DOCK5: variants seen among roughly 807,000 people sequenced by gnomAD.
DOCK5 encodes the protein dedicator of cytokinesis protein 5.
DOCK5 carries 142 observed loss-of-function variants against 251.8 expected under a neutral mutation model. The ratio of observed to expected loss-of-function variants is 0.56; its 90% CI spans 0.49 to 0.65. DOCK5 has a LOEUF of 0.65. Ranked by LOEUF, DOCK5 falls within the 30% of genes least tolerant of loss-of-function variation. The pLI is 0.00. For synonymous variants in DOCK5, 842 were observed against 835.5 expected (o/e 1.01, Z -0.13); for missense variants, 2,111 against 2,312.3 (o/e 0.91, Z 1.79).
intron 2 of DOCK5, among the ~76,000 whole-genome samples, chr8:25,262,007 A>G (rs1803599031): frequency 6.6e-6 from 1 of 152,234 alleles, no homozygotes; most frequent in African/African-American, 2.4e-5. Context: ...AGTAATATAT[A>G]CATATAACAC....
rs532722681 is a variant in DOCK5, at chr8:25,379,610, G to T, written c.3937-695G>T. On this transcript the variant is annotated intron_variant, in intron 38 of 51. Coordinates refer to ENST00000276440, the MANE Select transcript of DOCK5 (RefSeq NM_024940.8). The stretch of plus-strand genomic sequence containing the variant: ...TTAACACAATTATCATAGTGGTCCT[G>T]AGGTGACGTACATCCTCAGCTTACA... 1.6e-4 allele frequency among the ~76,000 whole-genome samples: 25 copies of T among 152,300 alleles called. No homozygotes were observed. The South Asian group carries it at 5.2e-3, about 32-fold the overall frequency.
intron 26 of DOCK5, among the ~76,000 whole-genome samples, chr8:25,351,156 C>T (rs375297200): frequency 1.7e-4 from 26 of 152,248 alleles, no homozygotes; most frequent in Admixed American, 1.3e-3. Flanking sequence ...CTCCTGGGTT[C>T]CCGCCATTCT....
At chr8:25,204,242 C>CT (rs1398500350) in intron 1 of DOCK5, among the ~76,000 whole-genome samples, 20 of 152,174 alleles carry the variant, frequency 1.3e-4, no homozygotes, top group South Asian at 4.1e-4. Context: ...CCTGTCTGTA[C>CT]TTTAACTTTT....
At chr8:25,225,436 G>C (rs911638823) in intron 1 of DOCK5, among the ~76,000 whole-genome samples, 1 of 152,310 alleles carries the variant, frequency 6.6e-6, no homozygotes, top group East Asian at 1.9e-4. Flanking sequence ...TTCTGCCGTG[G>C]TGGCTCACGC....
intron 36 of DOCK5, 43 bp from the exon 37 acceptor site, chr8:25,374,521 A>G: frequency 6.4e-7 from 1 of 1,563,724 alleles, no homozygotes; most frequent in Non-Finnish European, 8.7e-7. Context: ...AAACCTATAA[A>G]ACTCTCGAGT....
intron 27 of DOCK5, among the ~76,000 whole-genome samples, chr8:25,358,537 A>G (rs1200151321): frequency 6.6e-6 from 1 of 152,142 alleles, no homozygotes; most frequent in African/African-American, 2.4e-5. Flanking sequence ...CCTCTCCTTC[A>G]TGCTCAGTGT....
intron 1 of DOCK5, 56 bp from the exon 2 acceptor site, chr8:25,243,618 C>T (rs558165580): frequency 2.2e-5 from 34 of 1,535,728 alleles, no homozygotes; most frequent in East Asian, 9.3e-5. Context: ...CGTGAGCCAC[C>T]GTGCCCAGCC....
chr8:25,255,780 A>G (rs141395079), intron 2 of DOCK5, among the ~76,000 whole-genome samples: 61 of 152,338 alleles, frequency 4.0e-4, no homozygotes, highest in African/African-American at 1.4e-3. Flanking sequence ...GACAAGAGGT[A>G]TATGATAACT....
At chr8:25,395,464 A>G in intron 44 of DOCK5, 79 bp from the exon 45 acceptor site, 1 of 1,456,878 alleles carries the variant, frequency 6.9e-7, no homozygotes, top group South Asian at 1.2e-5. Flanking sequence ...ATACCTCTTC[A>G]AGGGAAGAGT....
intron 6 of DOCK5, among the ~76,000 whole-genome samples, chr8:25,294,844 C>T (rs1804578514): frequency 6.6e-6 from 1 of 151,992 alleles, no homozygotes. Context: ...TCTTACATGG[C>T]CAGAGCAGGA....
intron 1 of DOCK5, among the ~76,000 whole-genome samples, chr8:25,223,577 C>T (rs920992638): frequency 6.6e-6 from 1 of 152,206 alleles, no homozygotes; most frequent in Admixed American, 6.5e-5. Context: ...GGCCTCCTAC[C>T]ATGCTGGAAT....
At chr8:25,334,474 A>T (rs1805755752) in intron 21 of DOCK5, among the ~76,000 whole-genome samples, 1 of 152,142 alleles carries the variant, frequency 6.6e-6, no homozygotes, top group Admixed American at 6.6e-5. Context: ...CAATTCCAGC[A>T]CTTTGTGGGG....
chr8:25,382,610 CTT>C (rs199798594), intron 39 of DOCK5, 62 bp from the exon 40 acceptor site: 80 of 1,313,728 alleles, frequency 6.1e-5, no homozygotes, highest in Non-Finnish European at 8.2e-5. Flanking sequence ...CAAAGTCTGA[CTT>C]TTTTTTTCCC....
intron 1 of DOCK5, among the ~76,000 whole-genome samples, chr8:25,239,341 ATGTGTGTGTGTGTGTGTGTGTGTG>A (rs55869213): frequency 3.5e-5 from 5 of 142,204 alleles, no homozygotes; most frequent in Admixed American, 3.5e-4. Context: ...GTGTGTGTGT[ATGTGTGTGTGTGTGTGTGTGTGTG>A]TGTGTTTCCA....
At chr8:25,215,932 TACACACACACACACACACACACAC>T (rs199685009) in intron 1 of DOCK5, among the ~76,000 whole-genome samples, 13 of 141,264 alleles carry the variant, frequency 9.2e-5, no homozygotes, top group African/African-American at 3.3e-4. Context: ...TGGAAATAAA[TACACACACACACACACACACACAC>T]ACACACACAC....
chr8:25,221,678 A>G (rs938195628), intron 1 of DOCK5, among the ~76,000 whole-genome samples: 1 of 152,082 alleles, frequency 6.6e-6, no homozygotes, highest in Non-Finnish European at 1.5e-5. Flanking sequence ...TCCCATCATC[A>G]TCATCATCAT....
chr8:25,290,382 A>G (rs750691133), intron 5 of DOCK5, among the ~76,000 whole-genome samples: 1 of 152,250 alleles, frequency 6.6e-6, no homozygotes, highest in Non-Finnish European at 1.5e-5. Context: ...ATTGGGCTGC[A>G]TTCAAAGCCA....
At chr8:25,296,755 TC>T in intron 7 of DOCK5, 107 bp downstream of exon 7, 1 of 1,414,916 alleles carries the variant, frequency 7.1e-7, no homozygotes, top group Non-Finnish European at 9.6e-7. Context: ...TCTGTAGTTT[TC>T]GTCCTCATTT....
intron 4 of DOCK5, among the ~76,000 whole-genome samples, chr8:25,277,868 T>C (rs936326757): frequency 5.9e-5 from 9 of 152,244 alleles, no homozygotes; most frequent in African/African-American, 1.9e-4. Flanking sequence ...TTTTTCCTCA[T>C]TGAGCCTGGC....
Sources: allele counts gnomAD v4.1 joint callset (sites outside exome capture counted in the v4.1 genomes callset), GRCh38; gene constraint gnomAD v4.1.1; transcripts MANE v1.5; gene names NCBI Gene and HGNC (gene_info 2026-07-23, HGNC 2026-07-21).